The following LONP1 variants were observed in gnomAD, a reference collection of about 807,000 sequenced individuals.
The protein encoded by LONP1 is lon protease homolog, mitochondrial.
Under a neutral mutation model 98.5 loss-of-function variants are expected in LONP1, and 31 were observed. The observed-to-expected ratio is 0.31, with a 90% CI of 0.24 to 0.42. The LOEUF is 0.42. Among genes scored for constraint, LONP1 ranks in the 20% least tolerant of loss-of-function variants. The pLI is 1.00. For synonymous variants in LONP1, 781 were observed against 594.7 expected (o/e 1.31, Z -4.56); for missense variants, 1,336 against 1,350.6 (o/e 0.99, Z 0.17).
intron 8 of LONP1, among the ~76,000 whole-genome samples, chr19:5,703,429 G>A (rs544419957): frequency 2.0e-5 from 3 of 152,234 alleles, no homozygotes; most frequent in East Asian, 3.9e-4. Flanking sequence ...AAGGTTGGGA[G>A]GGCAACTCCA....
rs778111708 is a variant in LONP1 at position 5,693,454 on chromosome 19, GGTGGCGCCCT to G, written c.2539-2_2546del. 2 of 1,611,296 alleles carry G rather than the reference GGTGGCGCCCT, an allele frequency of 1.2e-6. No individual in the cohort carries two copies. The highest frequency in any genetic ancestry group is 1.7e-6 in the Non-Finnish European group (2 of 1,178,188). On this transcript the variant is annotated splice_acceptor_variant and coding_sequence_variant, in exon 17 of 18. Coordinates refer to ENST00000360614, the MANE Select transcript of LONP1 (RefSeq NM_004793.4). LOFTEE classifies it high-confidence loss of function. ...AGCCTGCGCTTGGGCCGTCCTTGGG[GGTGGCGCCCT>G]GTGGAGGCATGTGGGGATAGTGGGT... is the stretch of plus-strand genomic sequence containing the variant.
At chr19:5,703,163 A>G (rs1407816578) in intron 8 of LONP1, among the ~76,000 whole-genome samples, 3 of 147,516 alleles carry the variant, frequency 2.0e-5, no homozygotes, top group Non-Finnish European at 4.5e-5. Flanking sequence ...CCTGGGCAAC[A>G]GAGTGAGACT....
intron 4 of LONP1, among the ~76,000 whole-genome samples, chr19:5,710,179 G>A (rs948436539): frequency 6.6e-6 from 1 of 151,278 alleles, no homozygotes; most frequent in Non-Finnish European, 1.5e-5. Context: ...TGCCTCCCAG[G>A]TTCAAGCAAT....
chr19:5,717,300 C>A (rs2055339182), intron 1 of LONP1: 1 of 152,114 alleles, frequency 6.6e-6, no homozygotes, highest in African/African-American at 2.4e-5. Flanking sequence ...TATTGGGTCC[C>A]AAAGAAGTTG....
intron 9 of LONP1, 27 bp from the exon 10 acceptor site, chr19:5,699,232 C>T: frequency 6.8e-7 from 1 of 1,469,184 alleles, no homozygotes. Flanking sequence ...GTTCAGTGGG[C>T]ACGTGAGCTG....
rs371853813 is a variant in LONP1 at position 5,707,629 on chromosome 19, G to A, written c.1062+68C>T. On this transcript the variant is annotated intron_variant, in intron 6 of 17. Coordinates refer to ENST00000360614, the MANE Select transcript of LONP1 (RefSeq NM_004793.4). ...TGAGGAGGAACGGGGGCAGCCGGGC[G>A]TGGGCGGAGCATAGTGGAGGTGGGG... is the stretch of plus-strand genomic sequence containing the variant. The A allele has an allele frequency of 3.4e-4, 526 of 1,551,842 alleles. 3 individuals are homozygous for A. The African/African-American group carries it at 5.4e-3, about 16-fold the overall frequency.
At chr19:5,699,001 G>A (rs753186453) in intron 10 of LONP1, 26 bp downstream of exon 10, 2 of 1,584,764 alleles carry the variant, frequency 1.3e-6, no homozygotes, top group East Asian at 2.3e-5. Flanking sequence ...GGGAGTGCGT[G>A]GGGAGAGCTG....
At chr19:5,707,885 C>T (rs1370243775) in intron 5 of LONP1, 59 bp from the exon 6 acceptor site, 1 of 1,592,836 alleles carries the variant, frequency 6.3e-7, no homozygotes, top group East Asian at 2.2e-5. Context: ...TGCAGTGCAG[C>T]CCCCAAACGG....
At chr19:5,699,412 C>G (rs1459188149) in intron 9 of LONP1, among the ~76,000 whole-genome samples, 9 of 152,218 alleles carry the variant, frequency 5.9e-5, no homozygotes, top group Admixed American at 2.0e-4. Flanking sequence ...AATTTAACAC[C>G]AAAGGACAAC....
intron 2 of LONP1, 96 bp downstream of exon 2, chr19:5,714,087 G>A: frequency 3.3e-6 from 3 of 909,624 alleles, no homozygotes; most frequent in African/African-American, 1.7e-5. Context: ...TTTCCTCGGG[G>A]TCAGGGGTCA....
intron 1 of LONP1, among the ~76,000 whole-genome samples, chr19:5,716,259 CATATATATATATAT>C (rs3082272): frequency 0.054 from 4,208 of 77,222 alleles, 324 homozygotes; most frequent in Admixed American, 0.13. Flanking sequence ...TTAAAATATA[CATATATATATATAT>C]ATATATATAT....
At chr19:5,704,634 G>A (rs1308940244) in intron 8 of LONP1, among the ~76,000 whole-genome samples, 1 of 152,238 alleles carries the variant, frequency 6.6e-6, no homozygotes. Flanking sequence ...GAAGTGGCCA[G>A]GTGGGTTCTG....
At position 5,691,870 on chromosome 19, in the gene LONP1, G is replaced by C. The variant is rs553070502; in HGVS notation, c.*162C>G. ...ACTTTAATCATTAAATAGCTTCTAT[G>C]CCACACTCTGATTAAGCCGACTGAG... On this transcript the variant is annotated 3_prime_UTR_variant, in exon 18 of 18. Transcript: ENST00000360614. 2 of 828,034 alleles carry C rather than the reference G, an allele frequency of 2.4e-6. No individual in the cohort carries two copies. Among genetic ancestry groups the C allele is most frequent in the South Asian group, 1.7e-5 (1 of 57,462 alleles). The allele number at this position is 828,034 out of a possible 1,614,324, so 51.3% of individuals were successfully genotyped here. A position where few individuals can be genotyped will look rare whatever the true frequency, so the allele number is the denominator to read the frequency against.
chr19:5,720,218 C>G, upstream of LONP1: 1 of 1,382,880 alleles, frequency 7.2e-7, no homozygotes, highest in Non-Finnish European at 9.3e-7. Context: ...TGCCTCGGTA[C>G]CCGATGGGCG....
rs755901313 is a variant in LONP1, at chr19:5,693,286, AG to A, written c.2703+11del. On this transcript the variant is annotated intron_variant, in intron 17 of 17. Coordinates refer to ENST00000360614, the MANE Select transcript of LONP1 (RefSeq NM_004793.4). ...CCTGCCAGTGCTGTGGGGTGGGTAC[AG>A]GGACACTCACCGCAATGGTCTTCTC... 4 of 1,604,978 alleles carry A rather than the reference AG, an allele frequency of 2.5e-6. No individual in the cohort carries two copies. Among genetic ancestry groups the A allele is most frequent in the South Asian group, 1.1e-5 (1 of 90,304 alleles).
rs540723389 is a variant in LONP1, at chr19:5,698,218, G to A, written c.1685+809C>T. Among the ~76,000 whole-genome samples the A allele has an allele frequency of 8.5e-5, 13 of 152,252 alleles. No homozygotes were observed. In the South Asian group the frequency reaches 2.3e-3, roughly 27 times the overall value. ...GCCAGCATGCTGTCACCCTTGCAGC[G>A]GGCGGGCAGATGCTAGGAAGGCCTG... On this transcript the variant is annotated intron_variant, in intron 10 of 17. Coordinates refer to ENST00000360614, the MANE Select transcript of LONP1 (RefSeq NM_004793.4).
intron 13 of LONP1, 121 bp downstream of exon 13, chr19:5,695,933 G>C: frequency 2.6e-6 from 2 of 761,490 alleles, no homozygotes; most frequent in East Asian, 2.7e-5. Flanking sequence ...TCTGCTCCTC[G>C]GCCGCAGGTC....
At chr19:5,712,254 G>A (rs1261615385) in intron 3 of LONP1, among the ~76,000 whole-genome samples, 1 of 152,164 alleles carries the variant, frequency 6.6e-6, no homozygotes, top group Admixed American at 6.5e-5. Flanking sequence ...ATGCATCACT[G>A]TCCCCATCCT....
chr19:5,696,159 G>A lies in LONP1; in HGVS notation c.1908C>T (p.Ile636=). Residue 636 remains isoleucine, a synonymous_variant, in exon 13 of 18, where the codon ATC becomes ATT. Coordinates refer to ENST00000360614, the MANE Select transcript of LONP1 (RefSeq NM_004793.4). The part of the protein sequence containing the change: ...VPVDLSKVLF[I]CTANVTDTIP... ...TGGTGTCCGTGACGTTGGCCGTGCA[G>A]ATGAACAGCACCTGGGGGCGGCGGC... 6.2e-7 allele frequency: 1 copy of A among 1,612,980 alleles called. No individual in the cohort carries two copies. Among genetic ancestry groups the A allele is most frequent in the Non-Finnish European group, 8.5e-7 (1 of 1,179,894 alleles).
Sources: allele counts gnomAD v4.1 joint callset (sites outside exome capture counted in the v4.1 genomes callset), GRCh38; gene constraint gnomAD v4.1.1; transcripts MANE v1.5; gene names NCBI Gene and HGNC (gene_info 2026-07-23, HGNC 2026-07-21).